NFRKB: variants seen among roughly 807,000 people sequenced by gnomAD.
NFRKB encodes nuclear factor related to kappa-B-binding protein.
Under a neutral mutation model 135.7 loss-of-function variants are expected in NFRKB, and 62 were observed. The ratio of observed to expected loss-of-function variants is 0.46; its 90% CI spans 0.37 to 0.56. The LOEUF (loss-of-function observed/expected upper bound fraction) is 0.56, where lower values mean the gene tolerates loss of function less well. Ranked by LOEUF, NFRKB falls within the 20% of genes least tolerant of loss-of-function variation. NFRKB has a pLI of 0.00. For synonymous variants in NFRKB, 678 were observed against 635.6 expected, an observed-to-expected ratio of 1.07 and a Z score of -1.00; for missense variants, 1,545 against 1,662.0, an observed-to-expected ratio of 0.93 and a Z score of 1.22.
In NFRKB at chr11:129,884,721, T is replaced by A. The variant is rs762828253; in HGVS notation, c.742+24A>T. ...TCTCCACCGCAATGTCCCAGAATGG[T>A]GACAGCGGCAGCTTGGTTCTCACCT... On this transcript the variant is annotated intron_variant, in intron 7 of 26. Coordinates refer to ENST00000682444, the MANE Select transcript of NFRKB (RefSeq NM_001143835.2). 4 of 1,612,490 alleles carry A rather than the reference T, an allele frequency of 2.5e-6. No individual in the cohort carries two copies. The South Asian group carries it at 4.4e-5, about 18-fold the overall frequency.
chr11:129,881,357 G>A, intron 13 of NFRKB, 86 bp downstream of exon 13: 1 of 1,341,140 alleles, frequency 7.5e-7, no homozygotes, highest in South Asian at 1.2e-5. Context: ...CAATCTGCAG[G>A]ACTATATTGA....
At chr11:129,895,213 C>G (rs1388037366) in intron 1 of NFRKB, among the ~76,000 whole-genome samples, 1 of 152,214 alleles carries the variant, frequency 6.6e-6, no homozygotes, top group Non-Finnish European at 1.5e-5. Flanking sequence ...GAGCAACCGC[C>G]GGCTCCAAAG....
At chr11:129,894,019 G>C (rs1949671500) in intron 2 of NFRKB, 2 of 152,174 alleles carry the variant, frequency 1.3e-5, no homozygotes, top group African/African-American at 4.8e-5. Flanking sequence ...TGGTCCATTT[G>C]ATCCGTATAA....
chr11:129,874,713 T>C lies in NFRKB; in HGVS notation c.1978+80A>G. On this transcript the variant is annotated intron_variant, in intron 19 of 26. Transcript: ENST00000682444. The surrounding 1 kb of genome is among the most constrained non-coding windows in gnomAD (Gnocchi z 4.5). ...CCATCTTGTCCTACCTATATGCCAA[T>C]GAAAAGAATAATGGAATTGGGGTAG... 9 of 1,610,226 alleles carry C rather than the reference T, an allele frequency of 5.6e-6. No homozygotes were observed. Among genetic ancestry groups the C allele is most frequent in the Non-Finnish European group, 7.6e-6 (9 of 1,176,930 alleles).
chr11:129,884,111 T>C lies in NFRKB; in HGVS notation c.775A>G (p.Ile259Val). 6.2e-7 allele frequency: 1 copy of C among 1,614,230 alleles called. No homozygotes were observed. The highest frequency in any genetic ancestry group is 8.5e-7 in the Non-Finnish European group (1 of 1,180,044). The change falls in exon 8 of 27, where the codon ATA becomes GTA. Residue 259 changes from isoleucine to valine, a missense_variant. Physicochemically the swap from Ile to Val is conservative, Grantham distance 29 (BLOSUM62 3). Transcript: ENST00000682444. ...TTCTCGTGGTGCTTCTTTAACATTA[T>C]CTTCAGGTCACTGTCCCCCAGTTCT... ...KVELGDSDLKIMLKKHHEKRK... is the reference protein window; with the variant it reads ...KVELGDSDLKVMLKKHHEKRK...
At position 129,873,064 on chromosome 11, in the gene NFRKB, C is replaced by T; in HGVS notation, c.2583G>A (p.Gln861=). Residue 861 remains glutamine, a synonymous_variant, in exon 23 of 27, where the codon CAG becomes CAA. Transcript: ENST00000682444. ...TVMATVPVKA[Q]TTAATVQRPG... ...GCCGCTGCACAGTGGCTGCCGTAGT[C>T]TGCGCTTTGACGGGCACAGTGGCCA... The T allele has an allele frequency of 6.2e-7, 1 of 1,612,680 alleles. No homozygotes were observed. The highest frequency in any genetic ancestry group is 2.2e-5 in the East Asian group (1 of 44,844).
At chr11:129,888,419 T>C (rs549826051) in intron 4 of NFRKB, 175 bp downstream of exon 4, 223 of 712,490 alleles carry the variant, frequency 3.1e-4, no homozygotes, top group African/African-American at 1.8e-3. Context: ...AGTCAATACA[T>C]TTTTGTTTTT....
intron 3 of NFRKB, 46 bp from the exon 4 acceptor site, chr11:129,888,841 G>C (rs767821686): frequency 6.6e-7 from 1 of 1,507,524 alleles, no homozygotes; most frequent in Non-Finnish European, 9.1e-7. Flanking sequence ...AAATTTTTGA[G>C]TTTTTTGTAT....
At chr11:129,895,100 C>A (rs983294839) in intron 1 of NFRKB, among the ~76,000 whole-genome samples, 3 of 152,220 alleles carry the variant, frequency 2.0e-5, no homozygotes, top group African/African-American at 7.2e-5. Flanking sequence ...CTTCACTAGA[C>A]CACGAAGGCC....
At chr11:129,876,612 AAAGCCTACCCTGGGTGGAGGGG>A in intron 17 of NFRKB, 87 bp downstream of exon 17, 1 of 1,270,940 alleles carries the variant, frequency 7.9e-7, no homozygotes, top group East Asian at 2.5e-5. Context: ...CCTTGTTCTC[AAAGCCTACCCTGGGTGGAGGGG>A]TAAGGAGAGG....
chr11:129,878,563 A>T lies in NFRKB; in HGVS notation c.1385-20T>A, dbSNP rs777475677. 7 of 1,593,574 alleles carry T rather than the reference A, an allele frequency of 4.4e-6. No homozygotes were observed. Among genetic ancestry groups the T allele is most frequent in the Non-Finnish European group, 6.0e-6 (7 of 1,163,058 alleles). On this transcript the variant is annotated intron_variant, in intron 13 of 26. Transcript: ENST00000682444. ...ATTGGCCTATTAGAGGAATAAAGAGATAAAAAAATAAGAAGGTCTAAGGTA... is the reference window on the plus strand; with the variant it reads ...ATTGGCCTATTAGAGGAATAAAGAGTTAAAAAAATAAGAAGGTCTAAGGTA...
chr11:129,866,956 C>T (rs1268769635), intron 24 of NFRKB, among the ~76,000 whole-genome samples: 3 of 152,168 alleles, frequency 2.0e-5, no homozygotes, highest in Non-Finnish European at 4.4e-5. Flanking sequence ...GTTAAAAAAG[C>T]ATGCAAAGAG....
At position 129,872,944 on chromosome 11, in the gene NFRKB, A is replaced by G. The variant is rs751414682; in HGVS notation, c.2703T>C (p.Ala901=). 1 of 1,614,112 alleles carries G rather than the reference A, an allele frequency of 6.2e-7. No homozygotes were observed. Among genetic ancestry groups the G allele is most frequent in the Non-Finnish European group, 8.5e-7 (1 of 1,179,984 alleles). ...TGACGGCAGCCGTGGAGGCACTGGG[A>G]GCAGAGGTCCCAGGAGAACTCGTGG... ...KPATSSPGTS[A]PSASTAAVIQ... is the part of the protein sequence containing the mutation. Residue 901 remains alanine (A), a synonymous_variant, in exon 23 of 27, where the codon GCT becomes GCC. Coordinates refer to ENST00000682444, the MANE Select transcript of NFRKB (RefSeq NM_001143835.2).
intron 23 of NFRKB, among the ~76,000 whole-genome samples, chr11:129,870,669 A>G (rs1306442665): frequency 1.3e-5 from 2 of 152,012 alleles, no homozygotes; most frequent in African/African-American, 4.8e-5. Flanking sequence ...CTGGGCTTAA[A>G]TTTCCTCCTG....
Position 129,883,173 on chromosome 11 carries a change from G to A in NFRKB, c.850C>T (p.Leu284Phe), listed in dbSNP as rs151192421. The stretch of plus-strand genomic sequence containing the variant: ...TTTACTCGAGTCATGATGTCATTGA[G>A]AGTCAGGTCCCCTGTCAAAAGGTCC... ...HPDLLTGDLT[L>F]NDIMTRVNAG... The change falls in exon 9 of 27, where the codon CTC becomes TTC. Residue 284 changes from leucine (L) to phenylalanine (F), a missense_variant. Coordinates refer to ENST00000682444, the MANE Select transcript of NFRKB (RefSeq NM_001143835.2). The A allele has an allele frequency of 6.9e-4, 1,107 of 1,614,006 alleles. 2 individuals carry two copies. Among genetic ancestry groups the A allele is most frequent in the Non-Finnish European group, 8.8e-4 (1,044 of 1,180,032 alleles).
At position 129,887,757 on chromosome 11, in the gene NFRKB, G is replaced by C. The variant is rs116632212; in HGVS notation, c.337+837C>G. ...CAATCAAGAGAATTTGAACATGAAG[G>C]CCGGGTGCGGTGGCTCACGCCTGTG... On this transcript the variant is annotated intron_variant, in intron 4 of 26. Transcript: ENST00000682444. 6.7e-3 allele frequency among the ~76,000 whole-genome samples: 1,013 copies of C among 152,330 alleles called. 10 individuals carry two copies. The highest frequency in any genetic ancestry group is 0.023 in the African/African-American group (969 of 41,568).
In NFRKB at chr11:129,874,330, A is replaced by C. The variant is rs753770073; in HGVS notation, c.2062T>G (p.Ser688Ala). 1.3e-6 allele frequency: 2 copies of C among 1,517,558 alleles called. No homozygotes were observed. Among genetic ancestry groups the C allele is most frequent in the Non-Finnish European group, 1.8e-6 (2 of 1,135,574 alleles). The allele number at this position is 1,517,558 out of a possible 1,614,324, so 94.0% of individuals were successfully genotyped here. The change falls in exon 21 of 27, where the codon TCC (serine) becomes GCC (alanine). Residue 688 changes from serine (S) to alanine (A), a missense_variant. Around this residue, in one of 3 missense-constraint regions of NFRKB, gnomAD observed 753 missense variants for 804.3 expected, o/e 0.94. Coordinates refer to ENST00000682444, the MANE Select transcript of NFRKB (RefSeq NM_001143835.2). The surrounding 1 kb of genome is among the most constrained non-coding windows in gnomAD (Gnocchi z 4.5). ...QKPKPPSKVK[S>A]SSKESSIKVL... is the part of the protein sequence containing the mutation. ...TTTATGGAGCTCTCCTTGCTACTGGACTTCTAGAACGGAAGACAAAGAAAA... is the reference window on the plus strand; with the variant it reads ...TTTATGGAGCTCTCCTTGCTACTGGCCTTCTAGAACGGAAGACAAAGAAAA...
Position 129,892,703 on chromosome 11 carries a change from G to C in NFRKB, c.135+12C>G, listed in dbSNP as rs369327265. On this transcript the variant is annotated intron_variant, in intron 3 of 26. Transcript: ENST00000682444. ...ACAGAGAGGAAAAGGTCACAACCGT[G>C]TTACTACTCACATCCTCCAGAAGGT... The C allele has an allele frequency of 2.5e-6, 4 of 1,613,000 alleles. No homozygotes were observed. In the African/African-American group the frequency reaches 4.0e-5, roughly 16 times the overall value.
chr11:129,866,599 G>A (rs936363849), intron 24 of NFRKB, among the ~76,000 whole-genome samples: 3 of 151,840 alleles, frequency 2.0e-5, no homozygotes, highest in African/African-American at 4.8e-5. Context: ...CAAGTGAAAA[G>A]TCCAACCCCC....
Sources: gnomAD v4.1 joint callset for allele counts (sites outside exome capture counted in the v4.1 genomes callset) on GRCh38, gnomAD v4.1.1 for gene constraint, gnomAD v4.1.1 regional missense constraint, Gnocchi (gnomAD v3.1) non-coding constraint, MANE v1.5 for transcripts, NCBI Gene and HGNC (gene_info 2026-07-23, HGNC 2026-07-21) for gene names.